The following PCDHGB3 variants were observed in gnomAD, a reference collection of about 807,000 sequenced individuals.
PCDHGB3 encodes the protein protocadherin gamma-B3.
Under a neutral mutation model 59.2 loss-of-function variants are expected in PCDHGB3, and 40 were observed. The observed-to-expected ratio is 0.68, with a 90% CI of 0.52 to 0.88. The LOEUF is 0.88. Among genes scored for constraint, PCDHGB3 ranks in the 40% least tolerant of loss-of-function variants. The probability of loss-of-function intolerance (pLI) is 0.00; values close to 1 mark genes in which losing one functional copy is unlikely to be tolerated. For synonymous variants in PCDHGB3, 581 were observed against 503.6 expected (o/e 1.15, Z -2.06); for missense variants, 1,309 against 1,187.9 (o/e 1.10, Z -1.50).
chr5:141,408,738 C>T, intron 1 of PCDHGB3: 2 of 1,609,632 alleles, frequency 1.2e-6, no homozygotes, highest in Non-Finnish European at 1.7e-6. Flanking sequence ...CCTTATTTTT[C>T]ATTAATGGTT....
chr5:141,371,355 G>T lies in PCDHGB3; in HGVS notation c.961G>T (p.Ala321Ser), dbSNP rs369960328. 3.7e-6 allele frequency: 6 copies of T among 1,613,974 alleles called. No individual in the cohort carries two copies. Among genetic ancestry groups the T allele is most frequent in the Non-Finnish European group, 3.4e-6 (4 of 1,179,882 alleles). Residue 321 changes from alanine to serine, a missense_variant, in exon 1 of 4, where the codon GCA (alanine) becomes TCA (serine). Physicochemically the swap from Ala to Ser is moderately conservative, Grantham distance 99. Coordinates refer to ENST00000576222, the MANE Select transcript of PCDHGB3 (RefSeq NM_018924.5). ...ERDSYTIGVE[A>S]KDGGHHTAYC... ...AGATAGCTACACAATTGGGGTGGAA[G>T]CAAAGGATGGTGGACATCACACTGC...
Position 141,489,662 on chromosome 5 carries a change from G to T in PCDHGB3, c.2416-5145G>T, listed in dbSNP as rs2233601. On this transcript the variant is annotated intron_variant, in intron 1 of 3. Transcript: ENST00000576222. The surrounding 1 kb of genome is among the most constrained non-coding windows in gnomAD (Gnocchi z 4.5). Reference sequence around the variant, plus strand: ...TTTGCCACCCCTGAGCGAGAGATGCGCATCTCAGAATCAGCAGCATCTGGG... The same window carrying T: ...TTTGCCACCCCTGAGCGAGAGATGCTCATCTCAGAATCAGCAGCATCTGGG... 2.5e-6 allele frequency: 4 copies of T among 1,614,024 alleles called. No homozygotes were observed. The African/African-American group carries it at 4.0e-5, about 16-fold the overall frequency.
chr5:141,484,024 A>G (rs769415978), intron 1 of PCDHGB3, among the ~76,000 whole-genome samples: 14 of 150,914 alleles, frequency 9.3e-5, no homozygotes, highest in Non-Finnish European at 1.6e-4. Flanking sequence ...GTGGGGTGAG[A>G]TCAAGTCTCC....
intron 1 of PCDHGB3, chr5:141,383,954 T>C: frequency 6.2e-7 from 1 of 1,613,650 alleles, no homozygotes; most frequent in Non-Finnish European, 8.5e-7. Flanking sequence ...ATGACGTCTT[T>C]AAGTAGCTCA....
At chr5:141,495,149 G>A (rs1448841303) in intron 2 of PCDHGB3, among the ~76,000 whole-genome samples, 1 of 152,170 alleles carries the variant, frequency 6.6e-6, no homozygotes, top group Non-Finnish European at 1.5e-5. Context: ...CCAAAGGATG[G>A]TCTTAAGCTG....
At position 141,372,494 on chromosome 5, in the gene PCDHGB3, A is replaced by T; in HGVS notation, c.2100A>T (p.Ser700=). 6.2e-7 allele frequency: 1 copy of T among 1,613,974 alleles called. No individual in the cohort carries two copies. The highest frequency in any genetic ancestry group is 8.5e-7 in the Non-Finnish European group (1 of 1,179,860). Residue 700 remains serine (S), a synonymous_variant, in exon 1 of 4, where the codon TCA becomes TCT. Coordinates refer to ENST00000576222, the MANE Select transcript of PCDHGB3 (RefSeq NM_018924.5). ...TAGTAGTGGCGTTGGCCTTGATCTC[A>T]GTGCTCTTCCTCCTCGCGGTGATTC... ...FHLVVALALI[S]VLFLLAVILA...
intron 3 of PCDHGB3, among the ~76,000 whole-genome samples, chr5:141,509,722 C>A (rs919655821): frequency 5.9e-5 from 9 of 152,140 alleles, no homozygotes; most frequent in African/African-American, 2.2e-4. Flanking sequence ...CTGATGTCAC[C>A]TAGCTGTGGC....
chr5:141,375,818 C>A, intron 1 of PCDHGB3: 2 of 1,614,200 alleles, frequency 1.2e-6, no homozygotes, highest in Non-Finnish European at 1.7e-6. Flanking sequence ...GGAGCTGGCG[C>A]CCCGCTCCGC....
At chr5:141,445,213 A>C (rs775782586) in intron 1 of PCDHGB3, among the ~76,000 whole-genome samples, 1 of 152,226 alleles carries the variant, frequency 6.6e-6, no homozygotes, top group Non-Finnish European at 1.5e-5. Context: ...TTGAAAAGTA[A>C]GAGGTGCAAA....
At chr5:141,424,491 G>T (rs2096824224) in intron 1 of PCDHGB3, 1 of 152,122 alleles carries the variant, frequency 6.6e-6, no homozygotes, top group South Asian at 2.1e-4. Context: ...GTCTGTGTTT[G>T]TATGTATGGA....
At position 141,372,536 on chromosome 5, in the gene PCDHGB3, C is replaced by T; in HGVS notation, c.2142C>T (p.Arg714=). Residue 714 remains arginine, a synonymous_variant, in exon 1 of 4, where the codon CGC becomes CGT. Coordinates refer to ENST00000576222, the MANE Select transcript of PCDHGB3 (RefSeq NM_018924.5). ...LLAVILAISL[R]LRCSSRPATE... ...CGGTGATTCTGGCAATCTCCCTGCGCCTGCGATGCTCCTCCAGACCCGCCA... is the reference window on the plus strand; with the variant it reads ...CGGTGATTCTGGCAATCTCCCTGCGTCTGCGATGCTCCTCCAGACCCGCCA... 1 of 1,614,034 alleles carries T rather than the reference C, an allele frequency of 6.2e-7. No homozygotes were observed. Among genetic ancestry groups the T allele is most frequent in the East Asian group, 2.2e-5 (1 of 44,886 alleles).
chr5:141,381,826 C>CTTTTTTTTTTTTTTTTTTTTTTTTTTTT (rs770630741), intron 1 of PCDHGB3, among the ~76,000 whole-genome samples: 17 of 74,292 alleles, frequency 2.3e-4, no homozygotes, highest in Non-Finnish European at 3.3e-4. Context: ...CTTTCTTCTT[C>CTTTTTTTTTTTTTTTTTTTTTTTTTTTT]TTTTTTTTTT....
At chr5:141,398,910 G>A (rs1465229535) in intron 1 of PCDHGB3, 1 of 1,613,972 alleles carries the variant, frequency 6.2e-7, no homozygotes, top group South Asian at 1.1e-5. Flanking sequence ...GCACCACTGT[G>A]TTGCAAGTGT....
At chr5:141,386,849 C>G (rs1259863561) in intron 1 of PCDHGB3, among the ~76,000 whole-genome samples, 1 of 152,200 alleles carries the variant, frequency 6.6e-6, no homozygotes, top group Non-Finnish European at 1.5e-5. Context: ...AATCACTAAA[C>G]TCAGTGAGCT....
chr5:141,434,044 A>T (rs2097670450), intron 1 of PCDHGB3, among the ~76,000 whole-genome samples: 2 of 152,132 alleles, frequency 1.3e-5, no homozygotes, highest in South Asian at 4.1e-4. Flanking sequence ...TTTCTATTTT[A>T]TTCAATGGCC....
At position 141,414,898 on chromosome 5, in the gene PCDHGB3, G is replaced by A. The variant is rs1369274783; in HGVS notation, c.2415+42089G>A. On this transcript the variant is annotated intron_variant, in intron 1 of 3. Coordinates refer to ENST00000576222, the MANE Select transcript of PCDHGB3 (RefSeq NM_018924.5). ...CCTGTACCCCGCCCTCCCCACAGAC[G>A]GTTCCACAGGCGTGGAGCTGGCGCC... is the stretch of plus-strand genomic sequence containing the variant. 2.5e-6 allele frequency: 4 copies of A among 1,614,190 alleles called. No individual in the cohort carries two copies. Among genetic ancestry groups the A allele is most frequent in the Admixed American group, 1.7e-5 (1 of 60,028 alleles).
At chr5:141,390,409 A>C in intron 1 of PCDHGB3, 2 of 1,247,634 alleles carry the variant, frequency 1.6e-6, no homozygotes, top group East Asian at 2.4e-5. Context: ...GGAAAGTTGT[A>C]GTCAGTTAAA....
At chr5:141,424,357 G>A (rs1171882619) in intron 1 of PCDHGB3, 1 of 152,122 alleles carries the variant, frequency 6.6e-6, no homozygotes, top group Non-Finnish European at 1.5e-5. Context: ...ATAAAATTTA[G>A]ATCACATTTT....
chr5:141,375,943 C>T lies in PCDHGB3; in HGVS notation c.2415+3134C>T, dbSNP rs111303338. 3.8e-3 allele frequency: 6,199 copies of T among 1,613,582 alleles called. 67 individuals are homozygous for T. Among genetic ancestry groups the T allele is most frequent in the African/African-American group, 0.036 (2,673 of 75,052 alleles). ...GCGAGCCAGGACTTTTCTCAGTGGG[C>T]CTGCACACGGGCGAGGTGCGCACGG... On this transcript the variant is annotated intron_variant, in intron 1 of 3. Coordinates refer to ENST00000576222, the MANE Select transcript of PCDHGB3 (RefSeq NM_018924.5).
Sources: gnomAD v4.1 joint callset for allele counts (sites outside exome capture counted in the v4.1 genomes callset) on GRCh38, gnomAD v4.1.1 for gene constraint, Gnocchi (gnomAD v3.1) non-coding constraint, MANE v1.5 for transcripts, NCBI Gene and HGNC (gene_info 2026-07-23, HGNC 2026-07-21) for gene names.